Variants in AS3MT observed in about 807,000 individuals in gnomAD.
AS3MT encodes arsenite methyltransferase, also known as S-adenosyl-L-methionine:arsenic(III) methyltransferase.
Under a neutral mutation model 45.3 loss-of-function variants are expected in AS3MT, and 47 were observed. The observed-to-expected ratio is 1.04, with a 90% CI of 0.82 to 1.32. The LOEUF (loss-of-function observed/expected upper bound fraction) is 1.32, where lower values mean the gene tolerates loss of function less well. Among genes scored for constraint, AS3MT ranks in the 40% most tolerant of loss-of-function variants. The probability of loss-of-function intolerance (pLI) is 0.00; values close to 1 mark genes in which losing one functional copy is unlikely to be tolerated. For missense variants in AS3MT, 396 were observed against 451.1 expected, an observed-to-expected ratio of 0.88 and a Z score of 1.11; for synonymous variants, 141 against 152.8, an observed-to-expected ratio of 0.92 and a Z score of 0.57.
At chr10:102,870,287 G>A in intron 3 of AS3MT, 76 bp downstream of exon 3, 1 of 1,561,208 alleles carries the variant, frequency 6.4e-7, no homozygotes, top group Non-Finnish European at 8.8e-7. Context: ...AGGTCACTAG[G>A]GAATTAACCC....
chr10:102,877,079 C>T (rs781220364), intron 7 of AS3MT, 44 bp downstream of exon 7: 22 of 1,564,826 alleles, frequency 1.4e-5, no homozygotes, highest in Non-Finnish European at 1.7e-5. Flanking sequence ...GATGGTTGTA[C>T]ATGTGCAGAA....
chr10:102,878,357 TTTG>T lies in AS3MT; in HGVS notation c.611-13_611-11del, dbSNP rs562743863. The T allele has an allele frequency of 8.9e-5, 144 of 1,610,254 alleles. No individual in the cohort carries two copies. Among genetic ancestry groups the T allele is most frequent in the Non-Finnish European group, 1.2e-4 (137 of 1,179,134 alleles). The stretch of plus-strand genomic sequence containing the variant: ...TTAAGTGTTGGCTGGTCTGTGGTTT[TTTG>T]TTGTTGTTTGTTTTTTAGGTGAGTG... On this transcript the variant is annotated intron_variant, in intron 7 of 10. Transcript: ENST00000369880.
At position 102,894,807 on chromosome 10, in the gene AS3MT, A is replaced by G. The variant is rs142669156; in HGVS notation, c.1020+4129A>G. Among the ~76,000 whole-genome samples, 232 of 152,346 alleles carry G rather than the reference A, an allele frequency of 1.5e-3. 1 individual carries two copies. Among genetic ancestry groups the G allele is most frequent in the African/African-American group, 5.4e-3 (225 of 41,572 alleles). ...TCTATTGATCCCAGGTCTTTGGATT[A>G]TAACTCAACCAATTGCCAATCACAA... On this transcript the variant is annotated intron_variant, in intron 10 of 10. Transcript: ENST00000369880.
At chr10:102,872,991 C>T (rs1844719195) in intron 4 of AS3MT, 106 bp from the exon 5 acceptor site, 13 of 969,262 alleles carry the variant, frequency 1.3e-5, no homozygotes, top group Non-Finnish European at 1.8e-5. Flanking sequence ...TATGTTTATC[C>T]AAAATAATCT....
rs7920657 is a variant in AS3MT at position 102,873,487 on chromosome 10, T to C, written c.458+254T>C. 3.7e-4 allele frequency among the ~76,000 whole-genome samples: 57 copies of C among 152,006 alleles called. No homozygotes were observed. In the East Asian group the frequency reaches 9.9e-3, roughly 26 times the overall value. ...TTTTAGTAGAGACAGGGTTTCACCATGTTGGCCAGGCTGGTCTCAAACTCC... is the reference window on the plus strand; with the variant it reads ...TTTTAGTAGAGACAGGGTTTCACCACGTTGGCCAGGCTGGTCTCAAACTCC... On this transcript the variant is annotated intron_variant, in intron 5 of 10. Transcript: ENST00000369880.
intron 10 of AS3MT, among the ~76,000 whole-genome samples, chr10:102,892,036 C>G (rs987509933): frequency 4.7e-5 from 7 of 150,448 alleles, no homozygotes; most frequent in Admixed American, 4.6e-4. Context: ...TACTAGATTT[C>G]CAGCCTGGAC....
At chr10:102,872,121 G>A (rs1450978258) in intron 3 of AS3MT, among the ~76,000 whole-genome samples, 1 of 152,178 alleles carries the variant, frequency 6.6e-6, no homozygotes, top group Non-Finnish European at 1.5e-5. Flanking sequence ...CTTGCCTCAA[G>A]CGATCCGCCT....
At chr10:102,872,649 T>A in intron 4 of AS3MT, 51 bp downstream of exon 4, 1 of 1,556,642 alleles carries the variant, frequency 6.4e-7, no homozygotes, top group Non-Finnish European at 8.7e-7. Context: ...AAAGCATTAT[T>A]TGAAAAATAA....
At chr10:102,894,425 A>G (rs1564796089) in intron 10 of AS3MT, among the ~76,000 whole-genome samples, 2 of 132,238 alleles carry the variant, frequency 1.5e-5, no homozygotes, top group Admixed American at 7.7e-5. Context: ...TCCATCTCAA[A>G]AAATAAAAAA....
intron 7 of AS3MT, among the ~76,000 whole-genome samples, chr10:102,877,559 C>CAAAAAAAAAAAAAA (rs199723619): frequency 1.1e-5 from 1 of 94,396 alleles, no homozygotes. Context: ...TGGAAAGTGC[C>CAAAAAAAAAAAAAA]AAAAAAAAAA....
rs1323594024 is a variant in AS3MT, at chr10:102,872,500, T to G, written c.223T>G (p.Leu75Val). 6.2e-7 allele frequency: 1 copy of G among 1,614,080 alleles called. No individual in the cohort carries two copies. The change falls in exon 4 of 11, where the codon TTG (leucine) becomes GTG (valine). Residue 75 changes from leucine (L) to valine (V), a missense_variant. Physicochemically the swap from Leu to Val is conservative, Grantham distance 32 (BLOSUM62 1). Coordinates refer to ENST00000369880, the MANE Select transcript of AS3MT (RefSeq NM_020682.4). ...TGAGCATCTAGAAAACTGCTGGATT[T>G]TGGATCTGGGTAGTGGAAGTGGCAG... is the stretch of plus-strand genomic sequence containing the variant. Reference protein sequence around the residue: ...IPEHLENCWILDLGSGSGRDC... With the variant: ...IPEHLENCWIVDLGSGSGRDC...
intron 6 of AS3MT, among the ~76,000 whole-genome samples, chr10:102,875,892 C>T (rs1436273765): frequency 6.6e-6 from 1 of 152,156 alleles, no homozygotes; most frequent in East Asian, 1.9e-4. Flanking sequence ...GCTGGGATTA[C>T]AGGCATGAGC....
intron 9 of AS3MT, among the ~76,000 whole-genome samples, chr10:102,889,614 GCCTTCCTTCCTT>G (rs1554884643): frequency 1.8e-5 from 2 of 114,050 alleles, no homozygotes; most frequent in Admixed American, 9.9e-5. Flanking sequence ...CTGTCTGCCT[GCCTTCCTTCCTT>G]CCTTCCTTCC....
intron 9 of AS3MT, among the ~76,000 whole-genome samples, chr10:102,888,758 T>C (rs534533924): frequency 6.6e-6 from 1 of 151,478 alleles, no homozygotes; most frequent in East Asian, 1.9e-4. Flanking sequence ...CAAATTATTC[T>C]CTTCTAGCTA....
chr10:102,899,784 CA>C (rs1845241690), intron 10 of AS3MT, among the ~76,000 whole-genome samples: 1 of 151,680 alleles, frequency 6.6e-6, no homozygotes, highest in African/African-American at 2.4e-5. Flanking sequence ...TCTCTTGCCT[CA>C]GCCTCCCGAG....
At chr10:102,897,622 C>T (rs145125697) in intron 10 of AS3MT, among the ~76,000 whole-genome samples, 66 of 152,040 alleles carry the variant, frequency 4.3e-4, no homozygotes, top group Non-Finnish European at 7.1e-4. Context: ...CACGCCACCA[C>T]GCCCGGCTCA....
At chr10:102,891,723 A>G (rs11191446) in intron 10 of AS3MT, among the ~76,000 whole-genome samples, 16,435 of 152,104 alleles carry the variant, frequency 0.11, 901 homozygotes, top group Middle Eastern at 0.18. Flanking sequence ...TGAGACAGGC[A>G]GATCACTTGA....
intron 10 of AS3MT, among the ~76,000 whole-genome samples, chr10:102,896,038 A>G (rs1373687336): frequency 6.6e-6 from 1 of 151,722 alleles, no homozygotes; most frequent in Non-Finnish European, 1.5e-5. Flanking sequence ...GGCCTCCCAA[A>G]GTGCTGGGAT....
At chr10:102,871,737 A>G (rs1590217974) in intron 3 of AS3MT, among the ~76,000 whole-genome samples, 1 of 86,604 alleles carries the variant, frequency 1.2e-5, no homozygotes, top group Non-Finnish European at 2.6e-5. Flanking sequence ...CAAACAAAAC[A>G]AAACAAAACA....
Sources: gnomAD v4.1 joint callset for allele counts (sites outside exome capture counted in the v4.1 genomes callset) on GRCh38, gnomAD v4.1.1 for gene constraint, MANE v1.5 for transcripts, NCBI Gene and HGNC (gene_info 2026-07-23, HGNC 2026-07-21) for gene names.